CUX1: variants seen among roughly 807,000 people sequenced by gnomAD.
The protein encoded by CUX1 is protein CASP.
In CUX1, 31 loss-of-function variants were observed where a neutral mutation model predicts 158.8. The observed-to-expected ratio is 0.20, with a 90% CI of 0.15 to 0.26. CUX1 has a LOEUF of 0.26. Among genes scored for constraint, CUX1 ranks in the 10% least tolerant of loss-of-function variants. CUX1 has a pLI of 1.00. For synonymous variants in CUX1, 879 were observed against 862.1 expected (o/e 1.02, Z -0.34); for missense variants, 1,589 against 2,014.6 (o/e 0.79, Z 4.04).
At chr7:102,026,915 G>A (rs1462310676) in intron 2 of CUX1, among the ~76,000 whole-genome samples, 4 of 149,936 alleles carry the variant, frequency 2.7e-5, no homozygotes, top group African/African-American at 7.4e-5. Flanking sequence ...AGTTTTTGAA[G>A]CACTTTCTCA....
At chr7:101,941,854 T>C (rs1045769788) in intron 2 of CUX1, among the ~76,000 whole-genome samples, 4 of 152,206 alleles carry the variant, frequency 2.6e-5, no homozygotes, top group African/African-American at 9.7e-5. Flanking sequence ...CCAGCCTTGA[T>C]TGCAAACCTG....
intron 23 of CUX1, among the ~76,000 whole-genome samples, chr7:102,247,946 C>T (rs1229200394): frequency 6.6e-6 from 1 of 152,186 alleles, no homozygotes; most frequent in African/African-American, 2.4e-5. Flanking sequence ...GCCTGGCCAA[C>T]ATGGTGAAAC....
At chr7:102,181,735 T>C (rs993518667) in intron 11 of CUX1, among the ~76,000 whole-genome samples, 7 of 152,238 alleles carry the variant, frequency 4.6e-5, no homozygotes, top group Non-Finnish European at 8.8e-5. Context: ...CAGATTGTCC[T>C]GATACGAAAC....
chr7:101,833,326 A>G (rs534571851), intron 1 of CUX1, among the ~76,000 whole-genome samples: 1 of 151,576 alleles, frequency 6.6e-6, no homozygotes, highest in African/African-American at 2.4e-5. Flanking sequence ...AGGCGGAAGG[A>G]TTGCTTGAGC....
chr7:102,096,287 C>T (rs1829174297), intron 4 of CUX1, among the ~76,000 whole-genome samples: 1 of 152,230 alleles, frequency 6.6e-6, no homozygotes, highest in African/African-American at 2.4e-5. Flanking sequence ...CCTGACTCTT[C>T]TGAACACCCT....
chr7:101,835,504 G>A (rs949110435), intron 1 of CUX1, among the ~76,000 whole-genome samples: 2 of 152,038 alleles, frequency 1.3e-5, no homozygotes, highest in Non-Finnish European at 2.9e-5. Flanking sequence ...CATTTTCTTA[G>A]GTGCAATTGC....
intron 2 of CUX1, among the ~76,000 whole-genome samples, chr7:101,965,306 C>G (rs754743977): frequency 6.6e-6 from 1 of 152,150 alleles, no homozygotes; most frequent in Non-Finnish European, 1.5e-5. Flanking sequence ...TTGTTCCTCC[C>G]TAGTGCAAAG....
chr7:101,994,817 C>T (rs567206510), intron 2 of CUX1, among the ~76,000 whole-genome samples: 15 of 150,940 alleles, frequency 9.9e-5, no homozygotes, highest in African/African-American at 3.2e-4. Context: ...AGGCCAGGCA[C>T]GGTGGCTTAT....
intron 2 of CUX1, among the ~76,000 whole-genome samples, chr7:101,997,055 C>T (rs1409076599): frequency 6.6e-6 from 1 of 152,124 alleles, no homozygotes; most frequent in Non-Finnish European, 1.5e-5. Flanking sequence ...GTCTTGTGTC[C>T]TCTGACCGCC....
In CUX1 at chr7:102,106,104, T is replaced by C. The variant is rs1264499690; in HGVS notation, c.530+1645T>C. The stretch of plus-strand genomic sequence containing the variant: ...CTTTTTTTTTTTTTTTTTTTTTTTT[T>C]TGAGATGGAGTCTCACTCTGTCACC... On this transcript the variant is annotated intron_variant, in intron 6 of 23. Coordinates refer to ENST00000292535, the MANE Select transcript of CUX1 (RefSeq NM_181552.4). Among the ~76,000 whole-genome samples, 11 of 117,844 alleles carry C rather than the reference T, an allele frequency of 9.3e-5. No homozygotes were observed. The East Asian group carries it at 1.9e-3, about 20-fold the overall frequency. 77.3% of individuals were successfully genotyped at this position (117,844 alleles called of 152,430 possible).
chr7:102,208,122 A>T (rs2132107058), intron 20 of CUX1, among the ~76,000 whole-genome samples: 1 of 152,224 alleles, frequency 6.6e-6, no homozygotes, highest in South Asian at 2.1e-4. Context: ...CAGGAGGTCG[A>T]GGCTGCAGTA....
chr7:102,128,960 A>AGAGC (rs1442065474), intron 8 of CUX1, among the ~76,000 whole-genome samples: 3 of 151,882 alleles, frequency 2.0e-5, no homozygotes, highest in Non-Finnish European at 4.4e-5. Flanking sequence ...CCTGGGCAAC[A>AGAGC]GAGACTCTGT....
intron 8 of CUX1, chr7:102,153,992 T>G (rs1554504362): frequency 2.6e-5 from 4 of 152,082 alleles, no homozygotes. Flanking sequence ...TTGAATAACT[T>G]AGGAGCAAAG....
intron 22 of CUX1, among the ~76,000 whole-genome samples, chr7:102,235,125 G>A (rs1799412855): frequency 6.6e-6 from 1 of 152,196 alleles, no homozygotes; most frequent in African/African-American, 2.4e-5. Flanking sequence ...TCTCGAATGT[G>A]GATTCATGTT....
At chr7:102,011,998 G>A (rs1303261377) in intron 2 of CUX1, among the ~76,000 whole-genome samples, 13 of 151,060 alleles carry the variant, frequency 8.6e-5, no homozygotes, top group Non-Finnish European at 1.5e-4. Context: ...TAGTAGAGAC[G>A]GGGTTTCACC....
chr7:101,845,109 A>G (rs1439751064), intron 1 of CUX1, among the ~76,000 whole-genome samples: 5 of 151,534 alleles, frequency 3.3e-5, no homozygotes, highest in Admixed American at 6.6e-5. Flanking sequence ...TAGGACACCC[A>G]CTGTACAGGT....
intron 1 of CUX1, among the ~76,000 whole-genome samples, chr7:101,827,910 AGATG>A (rs1264407732): frequency 6.7e-6 from 1 of 149,178 alleles, no homozygotes; most frequent in East Asian, 2.0e-4. Flanking sequence ...AAGGTGGTGG[AGATG>A]GAAGGGCTGG....
intron 15 of CUX1, chr7:102,273,566 TC>T: frequency 6.5e-7 from 1 of 1,531,908 alleles, no homozygotes; most frequent in African/African-American, 1.4e-5. Flanking sequence ...AACACTGACT[TC>T]CCAGATTAGC....
chr7:102,098,290 C>T (rs1331619679), intron 5 of CUX1, among the ~76,000 whole-genome samples: 2 of 152,210 alleles, frequency 1.3e-5, no homozygotes, highest in Non-Finnish European at 2.9e-5. Context: ...AGTGGCCTTC[C>T]ATTGACCATT....
Sources: allele counts gnomAD v4.1 joint callset (sites outside exome capture counted in the v4.1 genomes callset), GRCh38; gene constraint gnomAD v4.1.1; transcripts MANE v1.5; gene names NCBI Gene and HGNC (gene_info 2026-07-23, HGNC 2026-07-21).